PTPRH: variants seen among roughly 807,000 people sequenced by gnomAD.
The protein encoded by PTPRH is receptor-type tyrosine-protein phosphatase H.
A neutral mutation model predicts 130.2 loss-of-function variants in PTPRH; 113 were observed. That is an observed-to-expected ratio of 0.87 (90% CI 0.75 to 1.01). The LOEUF (loss-of-function observed/expected upper bound fraction) is 1.01. Among genes scored for constraint, PTPRH ranks in the 50% least tolerant of loss-of-function variants. PTPRH has a pLI of 0.00. For synonymous variants in PTPRH, 556 were observed against 577.9 expected, an observed-to-expected ratio of 0.96 and a Z score of 0.54; for missense variants, 1,430 against 1,425.0, an observed-to-expected ratio of 1.00 and a Z score of -0.06.
rs780093651 is a variant in PTPRH, at chr19:55,203,763, A to G, written c.886+19T>C. ...GTCCTTATAAAAGAAATAAAAATAA[A>G]ACAGCGGCTGCCTCTTACCTGTGGC... is the stretch of plus-strand genomic sequence containing the variant. On this transcript the variant is annotated intron_variant, in intron 5 of 19. Coordinates refer to ENST00000376350, the MANE Select transcript of PTPRH (RefSeq NM_002842.5). 23 of 1,587,304 alleles carry G rather than the reference A, an allele frequency of 1.4e-5. No homozygotes were observed. Among genetic ancestry groups the G allele is most frequent in the Non-Finnish European group, 1.7e-5 (20 of 1,161,644 alleles).
chr19:55,190,544 A>G (rs889217299), intron 12 of PTPRH, among the ~76,000 whole-genome samples: 39 of 134,406 alleles, frequency 2.9e-4, no homozygotes, highest in African/African-American at 1.1e-3. Context: ...AATATATATA[A>G]TATATAATAT....
chr19:55,205,978 A>C (rs567162163), intron 3 of PTPRH, among the ~76,000 whole-genome samples: 69 of 152,328 alleles, frequency 4.5e-4, no homozygotes, highest in African/African-American at 1.5e-3. Context: ...CACACCTGTA[A>C]TCCCCGCACT....
At chr19:55,185,358 C>A in intron 18 of PTPRH, 144 bp downstream of exon 18, 1 of 867,438 alleles carries the variant, frequency 1.2e-6, no homozygotes, top group Non-Finnish European at 1.7e-6. Context: ...ATCTGCTTCA[C>A]GCCCCCCTTT....
At chr19:55,193,626 C>T (rs2086603034) in intron 10 of PTPRH, among the ~76,000 whole-genome samples, 1 of 152,060 alleles carries the variant, frequency 6.6e-6, no homozygotes, top group Non-Finnish European at 1.5e-5. Context: ...GCTCAATATC[C>T]TACAATGCGC....
In PTPRH at chr19:55,207,229, G is replaced by C. The variant is rs770711799; in HGVS notation, c.52-30C>G. On this transcript the variant is annotated intron_variant, in intron 1 of 19. Transcript: ENST00000376350. ...AGGGAACCCAGAGAAAACGGAGTCA[G>C]CCTCTCAACCACTCCTCCGCCCAGT... The C allele has an allele frequency of 8.1e-6, 13 of 1,610,014 alleles. No homozygotes were observed. The South Asian group carries it at 1.3e-4, about 16-fold the overall frequency.
Position 55,181,722 on chromosome 19 carries a change from T to C in PTPRH, c.*32A>G, listed in dbSNP as rs774241551. On this transcript the variant is annotated 3_prime_UTR_variant, in exon 20 of 20. Transcript: ENST00000376350. ...CAAGTGGGTGTCCAGAGCTTGAGGATGCCTGGGCTGCCGACCCAGCCCCCT... is the reference window on the plus strand; with the variant it reads ...CAAGTGGGTGTCCAGAGCTTGAGGACGCCTGGGCTGCCGACCCAGCCCCCT... 12 of 1,613,358 alleles carry C rather than the reference T, an allele frequency of 7.4e-6. No individual in the cohort carries two copies. The highest frequency in any genetic ancestry group is 3.3e-5 in the Admixed American group (2 of 59,988).
At chr19:55,188,609 T>G (rs1170953935) in intron 12 of PTPRH, among the ~76,000 whole-genome samples, 4 of 152,238 alleles carry the variant, frequency 2.6e-5, no homozygotes, top group Non-Finnish European at 1.5e-5. Context: ...TTTTTTCTCC[T>G]TCCTGTCATC....
At chr19:55,204,740 C>T (rs1333681936) in intron 4 of PTPRH, among the ~76,000 whole-genome samples, 1 of 152,170 alleles carries the variant, frequency 6.6e-6, no homozygotes, top group East Asian at 1.9e-4. Flanking sequence ...GATGGAAATG[C>T]TCTCCCACCT....
Position 55,181,501 on chromosome 19 carries a change from C to G in PTPRH, c.*253G>C. On this transcript the variant is annotated 3_prime_UTR_variant, in exon 20 of 20. Transcript: ENST00000376350. ...GTTTCTTTCTGCATCCTGGAAAGAC[C>G]TAGGGAATCCAAGCTATCATCCCTC... 4 of 507,422 alleles carry G rather than the reference C, an allele frequency of 7.9e-6. No homozygotes were observed. 31.4% of individuals were successfully genotyped at this position (507,422 alleles called of 1,614,324 possible). A position where few individuals can be genotyped will look rare whatever the true frequency, so the allele number is the denominator to read the frequency against.
intron 12 of PTPRH, 134 bp downstream of exon 12, chr19:55,191,367 G>C: frequency 1.9e-6 from 2 of 1,032,192 alleles, no homozygotes; most frequent in Non-Finnish European, 1.5e-6. Flanking sequence ...GGTCCCTGTC[G>C]CAGAGGCATG....
chr19:55,182,646 C>CACA (rs35980279), intron 18 of PTPRH, among the ~76,000 whole-genome samples: 8,188 of 152,152 alleles, frequency 0.054, 713 homozygotes, highest in African/African-American at 0.19. Flanking sequence ...GATGTACTAG[C>CACA]TCCATTGTAC....
intron 4 of PTPRH, 32 bp downstream of exon 4, chr19:55,205,294 T>C: frequency 6.2e-7 from 1 of 1,612,914 alleles, no homozygotes; most frequent in Non-Finnish European, 8.5e-7. Context: ...CTTAAACAAG[T>C]AAGAGCAAAA....
chr19:55,184,045 G>C (rs992691757), intron 18 of PTPRH, among the ~76,000 whole-genome samples: 2 of 152,054 alleles, frequency 1.3e-5, no homozygotes, highest in Non-Finnish European at 2.9e-5. Flanking sequence ...AGCACTTTGG[G>C]AGGCCGAGGT....
chr19:55,202,654 C>T (rs1284336778), intron 5 of PTPRH, among the ~76,000 whole-genome samples: 1 of 150,872 alleles, frequency 6.6e-6, no homozygotes, highest in African/African-American at 2.5e-5. Context: ...CATATATATA[C>T]ATACACATAT....
Position 55,190,453 on chromosome 19 carries a change from TTTTATATATTATAAA to T in PTPRH, c.2384+1033_2384+1047del, listed in dbSNP as rs1240501760. Among the ~76,000 whole-genome samples the T allele has an allele frequency of 3.6e-5, 5 of 139,110 alleles. No homozygotes were observed. The East Asian group carries it at 9.9e-4, about 28-fold the overall frequency. 91.3% of individuals were successfully genotyped at this position (139,110 alleles called of 152,430 possible). ...CCTTGTCTCCAAGTTTATTTATATA[TTTTATATATTATAAA>T]TTTATATATTATATATTATATAATT... On this transcript the variant is annotated intron_variant, in intron 12 of 19. Coordinates refer to ENST00000376350, the MANE Select transcript of PTPRH (RefSeq NM_002842.5).
At position 55,192,197 on chromosome 19, in the gene PTPRH, T is replaced by C. The variant is rs567468430; in HGVS notation, c.2258-456A>G. ...ATGGGCACATCACGAGGTCAGGAGA[T>C]CGAGACCATCCTGGTTAACACGGTG... On this transcript the variant is annotated intron_variant, in intron 10 of 19. Transcript: ENST00000376350. 21 of 350,210 alleles carry C rather than the reference T, an allele frequency of 6.0e-5. 1 individual carries two copies. The highest frequency in any genetic ancestry group is 3.1e-4 in the Admixed American group (8 of 25,522). The allele number at this position is 350,210 out of a possible 1,614,324, so 21.7% of individuals were successfully genotyped here.
In PTPRH at chr19:55,207,148, C is replaced by T; in HGVS notation, c.85+18G>A. On this transcript the variant is annotated intron_variant, in intron 2 of 19. Transcript: ENST00000376350. Reference sequence around the variant, plus strand: ...CACCTCTTCGAGTGGGCAGTGAGTTCAGGCAGGGGTCACTCACCAGGCGCC... The same window carrying T: ...CACCTCTTCGAGTGGGCAGTGAGTTTAGGCAGGGGTCACTCACCAGGCGCC... The T allele has an allele frequency of 6.2e-7, 1 of 1,612,834 alleles. No individual in the cohort carries two copies. Among genetic ancestry groups the T allele is most frequent in the Non-Finnish European group, 8.5e-7 (1 of 1,179,514 alleles).
rs184163058 is a variant in PTPRH, at chr19:55,207,109, G to A, written c.85+57C>T. ...CCACGGGGACCCCCCAGAGGCTCAC[G>A]GCAGTTGCGGTCCCACCTCTTCGAG... is the stretch of plus-strand genomic sequence containing the variant. On this transcript the variant is annotated intron_variant, in intron 2 of 19. Transcript: ENST00000376350. The A allele has an allele frequency of 1.5e-5, 24 of 1,607,540 alleles. No homozygotes were observed. In the Middle Eastern group the frequency reaches 6.6e-4, roughly 44 times the overall value.
Position 55,187,615 on chromosome 19 carries a change from G to C in PTPRH, c.2476-12C>G. 6.3e-7 allele frequency: 1 copy of C among 1,594,586 alleles called. No individual in the cohort carries two copies. The highest frequency in any genetic ancestry group is 8.6e-7 in the Non-Finnish European group (1 of 1,162,498). On this transcript the variant is annotated splice_polypyrimidine_tract_variant and intron_variant, in intron 13 of 19. Coordinates refer to ENST00000376350, the MANE Select transcript of PTPRH (RefSeq NM_002842.5). ...ACCAGGGAGAGTTGCTGGGGATGCA[G>C]GGAGAGGGGGTACCTGGTGTTGGAT... is the stretch of plus-strand genomic sequence containing the variant.
Sources: allele counts gnomAD v4.1 joint callset (sites outside exome capture counted in the v4.1 genomes callset), GRCh38; gene constraint gnomAD v4.1.1; transcripts MANE v1.5; gene names NCBI Gene and HGNC (gene_info 2026-07-23, HGNC 2026-07-21).